The following USP4 variants were observed in gnomAD, a reference collection of about 807,000 sequenced individuals.
USP4 encodes the protein ubiquitin carboxyl-terminal hydrolase 4.
USP4 carries 72 observed loss-of-function variants against 118.2 expected under a neutral mutation model. That is an observed-to-expected ratio of 0.61 (90% CI 0.50 to 0.74). USP4 has a LOEUF of 0.74. USP4 is among the 30% of genes least tolerant of loss of function. USP4 has a pLI of 0.00. For missense variants in USP4, 1,037 were observed against 1,185.7 expected (o/e 0.87, Z 1.84); for synonymous variants, 415 against 440.4 (o/e 0.94, Z 0.72).
At position 49,340,037 on chromosome 3, in the gene USP4, C is replaced by CCCGGCCCAG; in HGVS notation, c.-22_-14dup. Reference sequence around the variant, plus strand: ...CACCTTCCGCCATCTCCTCCGCGGCCCCGGCCCAGCCGGCCCGGACATCCG... The same window carrying CCCGGCCCAG: ...CACCTTCCGCCATCTCCTCCGCGGCCCCGGCCCAGCCGGCCCAGCCGGCCCGGACATCCG... On this transcript the variant is annotated 5_prime_UTR_variant, in exon 1 of 22. Transcript: ENST00000265560. The CCCGGCCCAG allele has an allele frequency of 2.5e-6, 4 of 1,602,160 alleles. No individual in the cohort carries two copies. In the South Asian group the frequency reaches 4.4e-5, roughly 18 times the overall value.
intron 6 of USP4, chr3:49,312,320 C>A: frequency 2.8e-6 from 1 of 356,870 alleles, no homozygotes; most frequent in South Asian, 2.1e-5. Flanking sequence ...GAAACCACAT[C>A]TCTACTAAAA....
In USP4 at chr3:49,280,743, C is replaced by T. The variant is rs1377754651; in HGVS notation, c.2644+1G>A. On this transcript the variant is annotated splice_donor_variant, in intron 20 of 21. Coordinates refer to ENST00000265560, the MANE Select transcript of USP4 (RefSeq NM_003363.4). LOFTEE classifies it high-confidence loss of function. ...AGAAGGAAGCAGATGTCAATACTTA[C>T]AGTGGCCAACCCCCATGGCTCCATA... is the stretch of plus-strand genomic sequence containing the variant. 1.2e-6 allele frequency: 2 copies of T among 1,613,518 alleles called. No individual in the cohort carries two copies. Among genetic ancestry groups the T allele is most frequent in the African/African-American group, 1.3e-5 (1 of 74,906 alleles).
In USP4 at chr3:49,338,675, AAAAAG is replaced by A. The variant is rs1230186378; in HGVS notation, c.101+1244_101+1248del. On this transcript the variant is annotated intron_variant, in intron 1 of 21. Transcript: ENST00000265560. ...GAAATTCCTTCTCAAAAAAAAAAAA[AAAAAG>A]AAAAGAAAAGAAAAGAAAACACAAA... Among the ~76,000 whole-genome samples the A allele has an allele frequency of 4.6e-3, 692 of 150,876 alleles. 3 individuals carry two copies. Among genetic ancestry groups the A allele is most frequent in the African/African-American group, 0.013 (547 of 40,870 alleles).
intron 15 of USP4, among the ~76,000 whole-genome samples, chr3:49,291,223 C>CAA (rs947223497): frequency 6.6e-6 from 1 of 150,418 alleles, no homozygotes; most frequent in Non-Finnish European, 1.5e-5. Context: ...CTCAGCCTCC[C>CAA]AAAGTGCTGG....
At chr3:49,319,931 G>A (rs2047481897) in intron 6 of USP4, among the ~76,000 whole-genome samples, 1 of 151,288 alleles carries the variant, frequency 6.6e-6, no homozygotes, top group Non-Finnish European at 1.5e-5. Context: ...GTTTTCTTGT[G>A]TTTTGAGACA....
intron 4 of USP4, 62 bp from the exon 5 acceptor site, chr3:49,325,101 G>T: frequency 6.4e-7 from 1 of 1,574,800 alleles, no homozygotes; most frequent in Non-Finnish European, 8.6e-7. Flanking sequence ...AGACAGCCAT[G>T]GCAAACTAAT....
At chr3:49,303,610 T>C (rs902575841) in intron 9 of USP4, among the ~76,000 whole-genome samples, 3 of 152,134 alleles carry the variant, frequency 2.0e-5, no homozygotes, top group Non-Finnish European at 4.4e-5. Context: ...TCAGAGGTGC[T>C]TGAGCTGGTA....
intron 1 of USP4, among the ~76,000 whole-genome samples, chr3:49,337,820 G>C (rs1198084481): frequency 6.6e-6 from 1 of 151,594 alleles, no homozygotes; most frequent in Non-Finnish European, 1.5e-5. Flanking sequence ...GGCTGAGTCA[G>C]GTGGATCACG....
At chr3:49,335,037 A>C (rs970384283) in intron 2 of USP4, among the ~76,000 whole-genome samples, 1 of 152,062 alleles carries the variant, frequency 6.6e-6, no homozygotes, top group African/African-American at 2.4e-5. Flanking sequence ...CTCTCCTCAC[A>C]CTAGTTATAT....
At chr3:49,278,992 C>T in intron 20 of USP4, 90 bp from the exon 21 acceptor site, 2 of 812,882 alleles carry the variant, frequency 2.5e-6, no homozygotes, top group Non-Finnish European at 1.9e-6. Flanking sequence ...ACACAAAAAT[C>T]CCCAAAACAA....
At chr3:49,281,388 G>A (rs1338532857) in intron 19 of USP4, among the ~76,000 whole-genome samples, 1 of 151,306 alleles carries the variant, frequency 6.6e-6, no homozygotes, top group Non-Finnish European at 1.5e-5. Context: ...CCCGGGAGGT[G>A]GAGCTTGCAG....
intron 13 of USP4, among the ~76,000 whole-genome samples, chr3:49,295,826 C>T (rs981820217): frequency 2.6e-5 from 4 of 152,070 alleles, no homozygotes; most frequent in Middle Eastern, 3.4e-3. Context: ...GGTGTGCTCT[C>T]GAGTAAATAC....
intron 17 of USP4, 100 bp downstream of exon 17, chr3:49,284,749 T>C: frequency 7.7e-7 from 1 of 1,294,692 alleles, no homozygotes; most frequent in Non-Finnish European, 1.1e-6. Flanking sequence ...GTCTTAAATA[T>C]AACTTGCTAA....
At chr3:49,327,624 A>G in intron 3 of USP4, 62 bp downstream of exon 3, 2 of 1,585,992 alleles carry the variant, frequency 1.3e-6, no homozygotes, top group Non-Finnish European at 1.7e-6. Flanking sequence ...AACACTAGTC[A>G]GTGTCCAACA....
intron 12 of USP4, 27 bp downstream of exon 12, chr3:49,298,525 C>G (rs767993108): frequency 6.2e-7 from 1 of 1,610,158 alleles, no homozygotes; most frequent in Non-Finnish European, 8.5e-7. Context: ...CCAAATAGAC[C>G]GAGTGCCACT....
intron 6 of USP4, chr3:49,313,835 G>A (rs1004578177): frequency 6.6e-6 from 1 of 152,066 alleles, no homozygotes; most frequent in African/African-American, 2.4e-5. Flanking sequence ...ACATAAGGAA[G>A]AAAGTAAATC....
chr3:49,300,420 G>T, intron 11 of USP4, 47 bp downstream of exon 11: 1 of 1,567,560 alleles, frequency 6.4e-7, no homozygotes, highest in Non-Finnish European at 8.8e-7. Context: ...CTGGGATCTG[G>T]AGACCACTTG....
rs2047271880 is a variant in USP4 at position 49,302,508 on chromosome 3, C to A, written c.1163G>T (p.Gly388Val). The change falls in exon 10 of 22, where the codon GGC (glycine) becomes GTC (valine). Residue 388 changes from glycine to valine, a missense_variant. By Grantham distance (109) the Gly-to-Val change is moderately radical. This residue lies in a region of USP4 where 487 missense variants were observed against 534.1 expected (regional missense o/e 0.91). Coordinates refer to ENST00000265560, the MANE Select transcript of USP4 (RefSeq NM_003363.4). ...QVGRFAPQFS[G>V]YQQQDSQELL... Reference sequence around the variant, plus strand: ...CTCCTGAGAATCTTGTTGCTGGTAGCCAGAAAATTGAGGAGCAAAACGTCC... The same window carrying A: ...CTCCTGAGAATCTTGTTGCTGGTAGACAGAAAATTGAGGAGCAAAACGTCC... The A allele has an allele frequency of 1.2e-6, 2 of 1,613,802 alleles. No individual in the cohort carries two copies. The highest frequency in any genetic ancestry group is 2.7e-5 in the African/African-American group (2 of 74,886).
In USP4 at chr3:49,294,494, G is replaced by A. The variant is rs369890539; in HGVS notation, c.1796C>T (p.Ala599Val). 24 of 1,614,050 alleles carry A rather than the reference G, an allele frequency of 1.5e-5. 1 individual carries two copies. In the South Asian group the frequency reaches 2.0e-4, roughly 13 times the overall value. ...SRPSSTSSAS[A>V]LYGQPLLLSV... ...AAGCAATAGTGGCTGCCCATATAGC[G>A]CTGATGCGGAGGAAGTGCTTGATGG... Residue 599 changes from alanine to valine, a missense_variant, in exon 14 of 22, where the codon GCG (alanine) becomes GTG (valine). Ala to Val is a moderately conservative substitution (Grantham distance 64). This residue lies in a region of USP4 where 522 missense variants were observed against 592.6 expected (regional missense o/e 0.88). Coordinates refer to ENST00000265560, the MANE Select transcript of USP4 (RefSeq NM_003363.4).
Sources: allele counts gnomAD v4.1 joint callset (sites outside exome capture counted in the v4.1 genomes callset), GRCh38; gene constraint gnomAD v4.1.1; regional missense constraint gnomAD v4.1.1; transcripts MANE v1.5; gene names NCBI Gene and HGNC (gene_info 2026-07-23, HGNC 2026-07-21).